Variants in DOCK3 observed in about 807,000 individuals in gnomAD.
DOCK3 encodes dedicator of cytokinesis 3.
Under a neutral mutation model 265.6 loss-of-function variants are expected in DOCK3, and 60 were observed. That is an observed-to-expected ratio of 0.23 (90% CI 0.18 to 0.28). The LOEUF (loss-of-function observed/expected upper bound fraction) is 0.28, where lower values mean the gene tolerates loss of function less well. DOCK3 is among the 10% of genes least tolerant of loss of function. The pLI is 1.00. For missense variants in DOCK3, 1,981 were observed against 2,594.3 expected (o/e 0.76, Z 5.14); for synonymous variants, 881 against 938.0 (o/e 0.94, Z 1.11).
At chr3:50,698,382 T>C (rs1170507714) in intron 1 of DOCK3, among the ~76,000 whole-genome samples, 1 of 152,092 alleles carries the variant, frequency 6.6e-6, no homozygotes, top group Non-Finnish European at 1.5e-5. Context: ...TAATATTCTA[T>C]TATATGGATA....
At chr3:51,085,521 T>G (rs2082386985) in intron 7 of DOCK3, among the ~76,000 whole-genome samples, 1 of 152,196 alleles carries the variant, frequency 6.6e-6, no homozygotes, top group Non-Finnish European at 1.5e-5. Context: ...AGAGGAACTT[T>G]GTAAACTGTA....
chr3:50,958,435 A>T (rs1245186177), intron 5 of DOCK3, among the ~76,000 whole-genome samples: 1 of 152,160 alleles, frequency 6.6e-6, no homozygotes, highest in Non-Finnish European at 1.5e-5. Flanking sequence ...CAGGTGGCTC[A>T]AGGCCAACAT....
At chr3:50,883,763 A>G (rs1382959990) in intron 3 of DOCK3, among the ~76,000 whole-genome samples, 1 of 152,174 alleles carries the variant, frequency 6.6e-6, no homozygotes, top group Non-Finnish European at 1.5e-5. Flanking sequence ...TAAAATACAC[A>G]TAACGTTTAC....
intron 9 of DOCK3, among the ~76,000 whole-genome samples, chr3:51,097,704 G>A (rs201299626): frequency 6.6e-6 from 1 of 152,194 alleles, no homozygotes; most frequent in African/African-American, 2.4e-5. Context: ...CCAAACGGCC[G>A]CCTAGTTTTG....
Position 51,315,050 on chromosome 3 carries a change from A to C in DOCK3, c.3324A>C (p.Pro1108=), listed in dbSNP as rs1284210376. The C allele has an allele frequency of 1.2e-6, 2 of 1,612,998 alleles. No individual in the cohort carries two copies. Among genetic ancestry groups the C allele is most frequent in the African/African-American group, 2.7e-5 (2 of 74,888 alleles). ...PFLGVTLVPQ[P]EVRNIMIPIF... Reference sequence around the variant, plus strand: ...TGGGTGTGACACTGGTCCCACAGCCAGAAGTACGGAATATCATGATTCCCA... The same window carrying C: ...TGGGTGTGACACTGGTCCCACAGCCCGAAGTACGGAATATCATGATTCCCA... The change falls in exon 32 of 53, where the codon CCA becomes CCC. Residue 1108 remains proline (P), a synonymous_variant. Transcript: ENST00000266037.
intron 1 of DOCK3, among the ~76,000 whole-genome samples, chr3:50,770,510 A>C (rs1242233797): frequency 3.3e-5 from 5 of 152,148 alleles, no homozygotes; most frequent in Non-Finnish European, 7.4e-5. Flanking sequence ...TTAAATGTGC[A>C]TTCTACCCAA....
intron 5 of DOCK3, among the ~76,000 whole-genome samples, chr3:51,042,734 T>A (rs566462551): frequency 6.6e-6 from 1 of 152,242 alleles, no homozygotes; most frequent in South Asian, 2.1e-4. Context: ...AGATAAACAA[T>A]GTCAGCAAAG....
At chr3:51,067,309 G>T (rs1279877998) in intron 6 of DOCK3, among the ~76,000 whole-genome samples, 3 of 151,958 alleles carry the variant, frequency 2.0e-5, no homozygotes, top group Non-Finnish European at 4.4e-5. Context: ...AAAATAAATA[G>T]ATGATAGCTT....
chr3:50,890,430 A>T (rs2048586277), intron 4 of DOCK3, among the ~76,000 whole-genome samples: 1 of 152,064 alleles, frequency 6.6e-6, no homozygotes, highest in Non-Finnish European at 1.5e-5. Context: ...GACTTTTAAA[A>T]TTTTTTATTT....
intron 27 of DOCK3, among the ~76,000 whole-genome samples, chr3:51,287,966 C>A (rs189745003): frequency 6.6e-6 from 1 of 152,202 alleles, no homozygotes; most frequent in South Asian, 2.1e-4. Context: ...TTTAAAAGAA[C>A]GAGATCATGT....
At chr3:51,325,266 T>A (rs912776668) in intron 32 of DOCK3, among the ~76,000 whole-genome samples, 3 of 151,860 alleles carry the variant, frequency 2.0e-5, no homozygotes, top group Non-Finnish European at 2.9e-5. Context: ...GAACAGACAC[T>A]TCTCAAAAGA....
At chr3:51,109,756 A>T (rs939309086) in intron 9 of DOCK3, among the ~76,000 whole-genome samples, 7 of 151,962 alleles carry the variant, frequency 4.6e-5, no homozygotes, top group Non-Finnish European at 8.8e-5. Flanking sequence ...AACATGGCAA[A>T]ACCCCATCTC....
chr3:51,081,585 A>T (rs2082239448), intron 7 of DOCK3, among the ~76,000 whole-genome samples: 1 of 152,084 alleles, frequency 6.6e-6, no homozygotes, highest in South Asian at 2.1e-4. Flanking sequence ...GAATACACAG[A>T]TATAAGTGTG....
At chr3:51,159,496 G>T (rs1424822131) in intron 11 of DOCK3, among the ~76,000 whole-genome samples, 192 bp downstream of exon 11, 2 of 152,056 alleles carry the variant, frequency 1.3e-5, no homozygotes, top group Non-Finnish European at 2.9e-5. Flanking sequence ...AATGGATTCG[G>T]GGGGGTGGGT....
rs781764661 is a variant in DOCK3 at position 51,152,224 on chromosome 3, C to T, written c.828+5594C>T. On this transcript the variant is annotated intron_variant, in intron 10 of 52. Coordinates refer to ENST00000266037, the MANE Select transcript of DOCK3 (RefSeq NM_004947.5). ...TTTTTTTTCTCTAAACTTCTCTTCTCACTTTATTTCATTAATTTTATCTTC... is the reference window on the plus strand; with the variant it reads ...TTTTTTTTCTCTAAACTTCTCTTCTTACTTTATTTCATTAATTTTATCTTC... Among the ~76,000 whole-genome samples, 56 of 152,108 alleles carry T rather than the reference C, an allele frequency of 3.7e-4. 1 individual carries two copies. The highest frequency in any genetic ancestry group is 2.7e-3 in the South Asian group (13 of 4,822).
At chr3:51,143,574 CTG>C (rs1465746472) in intron 9 of DOCK3, among the ~76,000 whole-genome samples, 2 of 152,040 alleles carry the variant, frequency 1.3e-5, no homozygotes, top group East Asian at 1.9e-4. Context: ...CCAGCCCTCA[CTG>C]TGTTTTTAAT....
intron 3 of DOCK3, among the ~76,000 whole-genome samples, chr3:50,854,251 T>C (rs1390427859): frequency 6.6e-6 from 1 of 152,160 alleles, no homozygotes; most frequent in African/African-American, 2.4e-5. Flanking sequence ...TTTCCCACTC[T>C]TAGATTGTGT....
At chr3:51,136,692 G>C (rs2084821518) in intron 9 of DOCK3, among the ~76,000 whole-genome samples, 1 of 152,142 alleles carries the variant, frequency 6.6e-6, no homozygotes, top group Non-Finnish European at 1.5e-5. Flanking sequence ...ATAGAAGTTA[G>C]TGAATGTTTG....
intron 9 of DOCK3, among the ~76,000 whole-genome samples, chr3:51,094,995 C>CA (rs2082783503): frequency 7.2e-6 from 1 of 139,628 alleles, no homozygotes. Context: ...TCAACTCCTG[C>CA]TTTTTTTTTT....
Sources: allele counts gnomAD v4.1 joint callset (sites outside exome capture counted in the v4.1 genomes callset), GRCh38; gene constraint gnomAD v4.1.1; transcripts MANE v1.5; gene names NCBI Gene and HGNC (gene_info 2026-07-23, HGNC 2026-07-21).